AKAP19: variants seen among roughly 807,000 people sequenced by gnomAD.
AKAP19 encodes small A-kinase anchoring protein.
the AKAP19 span, among the ~76,000 whole-genome samples, chr2:190,058,252 A>G: frequency 6.6e-6 from 1 of 151,974 alleles, no homozygotes; most frequent in South Asian, 2.1e-4. Context: ...CTCTGCCCCA[A>G]TCTTTTAATG....
the AKAP19 span, among the ~76,000 whole-genome samples, chr2:190,103,623 C>T: frequency 1.3e-5 from 2 of 152,182 alleles, no homozygotes; most frequent in Admixed American, 1.3e-4. Flanking sequence ...ACGAATACAT[C>T]TAACCAAGGA....
chr2:189,961,017 G>T, the AKAP19 span, among the ~76,000 whole-genome samples: 4 of 152,132 alleles, frequency 2.6e-5, no homozygotes, highest in East Asian at 1.9e-4. Context: ...CTAGGGTTTT[G>T]CCCAGTCTTT....
At chr2:189,924,276 G>T in the AKAP19 span, 1 of 1,196,138 alleles carries the variant, frequency 8.4e-7, no homozygotes, top group South Asian at 1.2e-5. Context: ...GCTTGTCTAA[G>T]ATCAAATTTT....
chr2:189,910,553 A>G, the AKAP19 span, among the ~76,000 whole-genome samples: 2 of 140,440 alleles, frequency 1.4e-5, no homozygotes, highest in African/African-American at 6.1e-5. Context: ...TCAAAGATAG[A>G]AAAAAAAAAG....
the AKAP19 span, among the ~76,000 whole-genome samples, chr2:189,955,727 G>A: frequency 1.5e-4 from 23 of 152,134 alleles, no homozygotes; most frequent in East Asian, 3.9e-3. Context: ...GATATTGAGC[G>A]AGCAAATTCT....
chr2:190,044,036 C>T, the AKAP19 span, among the ~76,000 whole-genome samples: 1 of 152,182 alleles, frequency 6.6e-6, no homozygotes, highest in East Asian at 1.9e-4. Context: ...AGTTGGTAGA[C>T]TCCTGCTTAC....
At chr2:190,084,166 C>T in the AKAP19 span, among the ~76,000 whole-genome samples, 2 of 150,214 alleles carry the variant, frequency 1.3e-5, no homozygotes. Context: ...GGTCTCTGCT[C>T]ACTGCAACCT....
At chr2:189,932,705 T>G in the AKAP19 span, among the ~76,000 whole-genome samples, 1 of 134,082 alleles carries the variant, frequency 7.5e-6, no homozygotes, top group African/African-American at 3.7e-5. Context: ...TACCCTCTCT[T>G]TCAAAAAAAA....
At chr2:190,057,564 C>G in the AKAP19 span, 2 of 1,613,418 alleles carry the variant, frequency 1.2e-6, no homozygotes, top group Non-Finnish European at 1.7e-6. Flanking sequence ...CTGTTGAGTG[C>G]TCATCACAGT....
the AKAP19 span, among the ~76,000 whole-genome samples, chr2:190,143,730 A>T: frequency 6.6e-6 from 1 of 151,784 alleles, no homozygotes; most frequent in Non-Finnish European, 1.5e-5. Flanking sequence ...ATGTATGTTT[A>T]TTGCGGCATT....
the AKAP19 span, among the ~76,000 whole-genome samples, chr2:190,067,254 T>C: frequency 6.6e-6 from 1 of 152,162 alleles, no homozygotes; most frequent in Admixed American, 6.5e-5. Context: ...AGAATGAGTG[T>C]GAGAAAGGCA....
chr2:190,022,382 A>T, the AKAP19 span, among the ~76,000 whole-genome samples: 2 of 152,200 alleles, frequency 1.3e-5, no homozygotes, highest in African/African-American at 2.4e-5. Flanking sequence ...TATTATGAAA[A>T]TCATGCACCC....
At chr2:190,005,157 A>G in the AKAP19 span, among the ~76,000 whole-genome samples, 3 of 152,164 alleles carry the variant, frequency 2.0e-5, no homozygotes, top group African/African-American at 7.2e-5. Context: ...GTGCAGACCC[A>G]AAGAGTCAGC....
the AKAP19 span, among the ~76,000 whole-genome samples, chr2:190,005,209 C>A: frequency 4.6e-5 from 7 of 152,300 alleles, 1 homozygote; most frequent in South Asian, 1.4e-3. Flanking sequence ...ACAAAGCTTC[C>A]GCAGCATGCA....
the AKAP19 span, among the ~76,000 whole-genome samples, chr2:189,960,166 A>G: frequency 9.3e-4 from 141 of 152,312 alleles, no homozygotes; most frequent in African/African-American, 3.2e-3. Context: ...TTGATTGAAC[A>G]CCGGCTGTTA....
chr2:190,046,189 G>A, the AKAP19 span, among the ~76,000 whole-genome samples: 3 of 152,234 alleles, frequency 2.0e-5, no homozygotes, highest in South Asian at 6.2e-4. Flanking sequence ...TGCTCCTTCT[G>A]TTCCCCTCCA....
chr2:189,905,306 T>G, the AKAP19 span, among the ~76,000 whole-genome samples: 1 of 151,960 alleles, frequency 6.6e-6, no homozygotes, highest in Non-Finnish European at 1.5e-5. Context: ...TAGAGAAATA[T>G]TTTGAGCTTT....
chr2:190,053,110 G>T, the AKAP19 span, among the ~76,000 whole-genome samples: 12 of 152,226 alleles, frequency 7.9e-5, no homozygotes, highest in South Asian at 2.1e-4. Context: ...AAAACAAAGC[G>T]TGTGTGTCTT....
the AKAP19 span, among the ~76,000 whole-genome samples, chr2:190,046,823 C>T: frequency 3.9e-5 from 6 of 151,954 alleles, no homozygotes; most frequent in African/African-American, 1.5e-4. Flanking sequence ...ACTTTTTGTG[C>T]TGTCAGCTTC....
Sources: allele counts gnomAD v4.1 joint callset (sites outside exome capture counted in the v4.1 genomes callset), GRCh38; gene constraint gnomAD v4.1.1; transcripts MANE v1.5; gene names NCBI Gene and HGNC (gene_info 2026-07-23, HGNC 2026-07-21).